Variants in DYM observed in about 807,000 individuals in gnomAD.
DYM encodes dymeclin.
Under a neutral mutation model 93.1 loss-of-function variants are expected in DYM, and 78 were observed. The ratio of observed to expected loss-of-function variants is 0.84; its 90% CI spans 0.70 to 1.01. The LOEUF (loss-of-function observed/expected upper bound fraction) is 1.01. Ranked by LOEUF, DYM falls within the 50% of genes least tolerant of loss-of-function variation. The probability of loss-of-function intolerance (pLI) is 0.00; values close to 1 mark genes in which losing one functional copy is unlikely to be tolerated. For missense variants in DYM, 789 were observed against 845.0 expected (o/e 0.93, Z 0.82); for synonymous variants, 321 against 319.7 (o/e 1.00, Z -0.04).
At chr18:49,129,082 G>GT (rs2083122790) in intron 15 of DYM, among the ~76,000 whole-genome samples, 1 of 150,202 alleles carries the variant, frequency 6.7e-6, no homozygotes, top group African/African-American at 2.5e-5. Context: ...AAAAAAGGCA[G>GT]TAAAGGGTCA....
At chr18:49,160,538 G>A (rs1331035374) in intron 15 of DYM, among the ~76,000 whole-genome samples, 1 of 145,366 alleles carries the variant, frequency 6.9e-6, no homozygotes, top group East Asian at 2.0e-4. Context: ...AGTACATTCA[G>A]TCTTGGTGTA....
intron 13 of DYM, among the ~76,000 whole-genome samples, chr18:49,212,845 A>T (rs1475008678): frequency 6.6e-6 from 1 of 152,162 alleles, no homozygotes; most frequent in African/African-American, 2.4e-5. Flanking sequence ...CTTTTTGATA[A>T]ACTGAATAAT....
At chr18:49,268,890 A>G (rs959849891) in intron 11 of DYM, among the ~76,000 whole-genome samples, 2 of 152,172 alleles carry the variant, frequency 1.3e-5, no homozygotes, top group African/African-American at 4.8e-5. Context: ...ACTGAAAACA[A>G]GAACCAAGAA....
intron 2 of DYM, among the ~76,000 whole-genome samples, chr18:49,417,362 C>G (rs2073113833): frequency 6.6e-6 from 1 of 151,940 alleles, no homozygotes; most frequent in African/African-American, 2.4e-5. Context: ...GTTGCCCAGG[C>G]TGGTCTCAAA....
At chr18:49,444,531 G>A (rs1012930473) in intron 1 of DYM, among the ~76,000 whole-genome samples, 5 of 152,166 alleles carry the variant, frequency 3.3e-5, no homozygotes, top group African/African-American at 4.8e-5. Flanking sequence ...GATGCTTCAT[G>A]TACTTCCTAT....
intron 14 of DYM, among the ~76,000 whole-genome samples, chr18:49,174,879 G>A (rs776610161): frequency 6.6e-6 from 1 of 152,074 alleles, no homozygotes; most frequent in Non-Finnish European, 1.5e-5. Context: ...AGAAGAAAGG[G>A]ACAGATAACG....
intron 9 of DYM, among the ~76,000 whole-genome samples, chr18:49,282,788 A>G (rs998078523): frequency 3.3e-4 from 51 of 152,340 alleles, no homozygotes; most frequent in African/African-American, 9.6e-4. Context: ...CTTAACCAGG[A>G]CGTTGAGATA....
chr18:49,406,297 C>G (rs1441545470), intron 2 of DYM, among the ~76,000 whole-genome samples: 1 of 152,068 alleles, frequency 6.6e-6, no homozygotes, highest in South Asian at 2.1e-4. Context: ...TGGTGGCTCA[C>G]GCCTGTAATC....
intron 2 of DYM, among the ~76,000 whole-genome samples, chr18:49,396,971 G>T (rs1254417629): frequency 6.6e-6 from 1 of 152,120 alleles, no homozygotes; most frequent in Non-Finnish European, 1.5e-5. Flanking sequence ...AGATAAAAGG[G>T]ATAAGTTCTA....
intron 6 of DYM, among the ~76,000 whole-genome samples, chr18:49,348,008 C>G (rs138024112): frequency 6.6e-6 from 1 of 152,280 alleles, no homozygotes; most frequent in Admixed American, 6.5e-5. Context: ...ACTGCTGGAG[C>G]AAGTTATTAA....
chr18:49,285,521 CT>C (rs1161309299), intron 9 of DYM, among the ~76,000 whole-genome samples: 10 of 152,230 alleles, frequency 6.6e-5, no homozygotes, highest in African/African-American at 2.2e-4. Context: ...TAGGTTTAGA[CT>C]GCTTAGATAC....
At chr18:49,246,693 G>C (rs1455454030) in intron 13 of DYM, among the ~76,000 whole-genome samples, 23 of 152,160 alleles carry the variant, frequency 1.5e-4, no homozygotes, top group Non-Finnish European at 2.9e-5. Flanking sequence ...TTTATGACTT[G>C]TAAATAAGGC....
At chr18:49,427,346 AG>A (rs1285276554) in intron 2 of DYM, among the ~76,000 whole-genome samples, 9 of 152,202 alleles carry the variant, frequency 5.9e-5, no homozygotes, top group African/African-American at 2.2e-4. Flanking sequence ...AATGACATGA[AG>A]GGAAAAAATA....
intron 13 of DYM, among the ~76,000 whole-genome samples, chr18:49,229,471 T>C (rs2093635329): frequency 6.6e-6 from 1 of 152,048 alleles, no homozygotes; most frequent in Admixed American, 6.6e-5. Context: ...AAGATCTAAA[T>C]AGACATTTCA....
intron 15 of DYM, among the ~76,000 whole-genome samples, chr18:49,156,098 G>A (rs2086385776): frequency 6.6e-6 from 1 of 152,172 alleles, no homozygotes; most frequent in Non-Finnish European, 1.5e-5. Flanking sequence ...ATAGATGTGT[G>A]AAGTGGTATC....
chr18:49,299,544 C>T (rs956118196), intron 8 of DYM, among the ~76,000 whole-genome samples: 2 of 152,104 alleles, frequency 1.3e-5, no homozygotes, highest in Non-Finnish European at 2.9e-5. Flanking sequence ...GTCCACCCTC[C>T]ACTACTAAAC....
At position 49,292,610 on chromosome 18, in the gene DYM, A is replaced by AAAACAAAAC. The variant is rs1568188885; in HGVS notation, c.764-5995_764-5994insGTTTTGTTT. Among the ~76,000 whole-genome samples the AAAACAAAAC allele has an allele frequency of 1.4e-3, 148 of 104,276 alleles. 3 individuals are homozygous for AAAACAAAAC. Among genetic ancestry groups the AAAACAAAAC allele is most frequent in the African/African-American group, 6.9e-3 (148 of 21,566 alleles). The allele number at this position is 104,276 out of a possible 152,430, so 68.4% of individuals were successfully genotyped here. ...CCTGTTGGAAAAAAAAAAAAAAAAA[A>AAAACAAAAC]AAAAAAAAAAAAAAACCCCCACAAA... On this transcript the variant is annotated intron_variant, in intron 8 of 17. Transcript: ENST00000675505.
intron 3 of DYM, among the ~76,000 whole-genome samples, chr18:49,389,678 T>C (rs2069000796): frequency 6.6e-6 from 1 of 151,944 alleles, no homozygotes; most frequent in African/African-American, 2.4e-5. Context: ...TTTCAATTTT[T>C]TTGCGTGTAG....
At chr18:49,235,889 C>A (rs993035870) in intron 13 of DYM, among the ~76,000 whole-genome samples, 3 of 151,940 alleles carry the variant, frequency 2.0e-5, no homozygotes, top group Admixed American at 2.0e-4. Context: ...TTTTCATATT[C>A]TTTTCCTCTT....
Sources: gnomAD v4.1 joint callset for allele counts (sites outside exome capture counted in the v4.1 genomes callset) on GRCh38, gnomAD v4.1.1 for gene constraint, MANE v1.5 for transcripts, NCBI Gene and HGNC (gene_info 2026-07-23, HGNC 2026-07-21) for gene names.